Variants in LAMA4 observed in about 807,000 individuals in gnomAD.
LAMA4 encodes the protein laminin subunit alpha-4.
Under a neutral mutation model 207.1 loss-of-function variants are expected in LAMA4, and 127 were observed. That is an observed-to-expected ratio of 0.61 (90% CI 0.53 to 0.71). The LOEUF is 0.71. Ranked by LOEUF, LAMA4 falls within the 30% of genes least tolerant of loss-of-function variation. The pLI, the probability that LAMA4 is intolerant of heterozygous loss-of-function variation, is 0.00. For missense variants in LAMA4, 2,093 were observed against 2,246.5 expected (o/e 0.93, Z 1.38); for synonymous variants, 761 against 816.0 (o/e 0.93, Z 1.15).
intron 5 of LAMA4, among the ~76,000 whole-genome samples, chr6:112,197,017 C>G (rs1249716462): frequency 6.6e-6 from 1 of 152,104 alleles, no homozygotes; most frequent in Non-Finnish European, 1.5e-5. Flanking sequence ...ATTTCTTCCT[C>G]TGTAAATAAG....
chr6:112,175,526 C>T (rs375674125), intron 10 of LAMA4, 46 bp from the exon 11 acceptor site: 41 of 1,602,536 alleles, frequency 2.6e-5, no homozygotes, highest in Admixed American at 6.7e-5. Flanking sequence ...GAGAGATGAC[C>T]AGGCACTAGA....
intron 37 of LAMA4, among the ~76,000 whole-genome samples, 183 bp downstream of exon 37, chr6:112,114,480 T>C (rs991496524): frequency 5.3e-5 from 8 of 152,156 alleles, no homozygotes; most frequent in Admixed American, 5.2e-4. Context: ...TTTTGCAGCG[T>C]TCATATTTTG....
chr6:112,169,282 T>C (rs1554341068), intron 12 of LAMA4, among the ~76,000 whole-genome samples: 1 of 152,044 alleles, frequency 6.6e-6, no homozygotes, highest in East Asian at 1.9e-4. Context: ...AGGGGCTGAC[T>C]TAGACCCTGG....
intron 2 of LAMA4, among the ~76,000 whole-genome samples, chr6:112,242,338 G>T (rs1253044252): frequency 6.6e-6 from 1 of 152,128 alleles, no homozygotes; most frequent in Non-Finnish European, 1.5e-5. Context: ...TTTTCAGGTA[G>T]TATGGGTGAG....
At chr6:112,253,853 A>T (rs1554190389) in intron 2 of LAMA4, 103 bp downstream of exon 2, 23 of 1,614,250 alleles carry the variant, frequency 1.4e-5, no homozygotes, top group Non-Finnish European at 1.9e-5. Flanking sequence ...CTCTCAAGGC[A>T]CTGGGGAGAG....
chr6:112,175,795 A>G (rs1306997359), intron 10 of LAMA4, among the ~76,000 whole-genome samples: 1 of 152,226 alleles, frequency 6.6e-6, no homozygotes, highest in Non-Finnish European at 1.5e-5. Flanking sequence ...TGATTTGAGA[A>G]TGCTAATATT....
Position 112,119,184 on chromosome 6 carries a change from G to C in LAMA4, c.4793C>G (p.Ala1598Gly), listed in dbSNP as rs782229069. The change falls in exon 34 of 39, where the codon GCT (alanine) becomes GGT (glycine). Residue 1598 changes from alanine to glycine, a missense_variant. Coordinates refer to ENST00000230538, the MANE Select transcript of LAMA4 (RefSeq NM_001105206.3). ...AACATTTTTCACAGCCTTTCCAGGAGCCACACCTCCCAAATAAATGGGACC... is the reference window on the plus strand; with the variant it reads ...AACATTTTTCACAGCCTTTCCAGGACCCACACCTCCCAAATAAATGGGACC... The part of the protein sequence containing the change: ...IKGPIYLGGV[A>G]PGKAVKNVQI... 1 of 1,613,980 alleles carries C rather than the reference G, an allele frequency of 6.2e-7. No homozygotes were observed. Among genetic ancestry groups the C allele is most frequent in the Admixed American group, 1.7e-5 (1 of 59,998 alleles).
chr6:112,251,721 A>G (rs1416740855), intron 2 of LAMA4: 3 of 152,282 alleles, frequency 2.0e-5, no homozygotes, highest in African/African-American at 7.2e-5. Flanking sequence ...GGGCGTTGGG[A>G]TCGCCATGGG....
rs1172814159 is a variant in LAMA4, at chr6:112,154,735, G to A, written c.2056+116C>T. 5 of 758,850 alleles carry A rather than the reference G, an allele frequency of 6.6e-6. No homozygotes were observed. In the African/African-American group the frequency reaches 8.6e-5, roughly 13 times the overall value. The allele number at this position is 758,850 out of a possible 1,614,324, so 47.0% of individuals were successfully genotyped here. On this transcript the variant is annotated intron_variant, in intron 16 of 38. Coordinates refer to ENST00000230538, the MANE Select transcript of LAMA4 (RefSeq NM_001105206.3). The stretch of plus-strand genomic sequence containing the variant: ...GACTCTGAGCAGGAACTACTGATAT[G>A]TTATGTAGTTATAATACTATTCTTT...
At chr6:112,115,021 T>C (rs1207862625) in intron 36 of LAMA4, among the ~76,000 whole-genome samples, 9 of 152,288 alleles carry the variant, frequency 5.9e-5, no homozygotes, top group Non-Finnish European at 1.3e-4. Flanking sequence ...CTTTAATTTC[T>C]AAAGATTGAG....
intron 12 of LAMA4, among the ~76,000 whole-genome samples, chr6:112,168,491 G>T (rs1554340798): frequency 6.6e-6 from 1 of 151,672 alleles, no homozygotes; most frequent in African/African-American, 2.4e-5. Flanking sequence ...TATTACAGGT[G>T]CCCACCACCA....
chr6:112,155,003 C>T lies in LAMA4; in HGVS notation c.1960-56G>A, dbSNP rs1236963301. Reference sequence around the variant, plus strand: ...ATGACAGCAGAAGAAATCAGCTATTCATAGTTGAAGGATTTAAATGACACA... The same window carrying T: ...ATGACAGCAGAAGAAATCAGCTATTTATAGTTGAAGGATTTAAATGACACA... On this transcript the variant is annotated intron_variant, in intron 15 of 38. Transcript: ENST00000230538. The T allele has an allele frequency of 2.6e-6, 3 of 1,159,098 alleles. No individual in the cohort carries two copies. The African/African-American group carries it at 4.5e-5, about 18-fold the overall frequency. The allele number at this position is 1,159,098 out of a possible 1,614,324, so 71.8% of individuals were successfully genotyped here. A position where few individuals can be genotyped will look rare whatever the true frequency, so the allele number is the denominator to read the frequency against.
intron 2 of LAMA4, among the ~76,000 whole-genome samples, chr6:112,223,499 T>C (rs1785035225): frequency 6.6e-6 from 1 of 152,222 alleles, no homozygotes; most frequent in Admixed American, 6.5e-5. Flanking sequence ...AGTTTGATCA[T>C]TACCATTTAA....
At chr6:112,219,682 A>G (rs1554359878) in intron 2 of LAMA4, 3 of 152,220 alleles carry the variant, frequency 2.0e-5, no homozygotes, top group Non-Finnish European at 4.4e-5. Context: ...GCTGCCCCTC[A>G]TAAATAAATA....
intron 3 of LAMA4, 127 bp from the exon 4 acceptor site, chr6:112,207,272 G>A (rs1327849670): frequency 2.2e-5 from 22 of 1,015,164 alleles, no homozygotes; most frequent in African/African-American, 1.6e-4. Flanking sequence ...GACTGTATGC[G>A]GCAGTACAGA....
intron 18 of LAMA4, among the ~76,000 whole-genome samples, chr6:112,145,334 G>A (rs549117008): frequency 1.3e-5 from 2 of 152,262 alleles, no homozygotes; most frequent in Non-Finnish European, 2.9e-5. Flanking sequence ...CAGAGGGAGA[G>A]CCAGGGCTCA....
chr6:112,233,250 T>C (rs1554364926), intron 2 of LAMA4, among the ~76,000 whole-genome samples: 1 of 152,212 alleles, frequency 6.6e-6, no homozygotes, highest in Non-Finnish European at 1.5e-5. Flanking sequence ...AGGCACTGTT[T>C]TGGATTTCAG....
At chr6:112,253,728 C>T in intron 2 of LAMA4, 1 of 1,611,782 alleles carries the variant, frequency 6.2e-7, no homozygotes, top group Middle Eastern at 1.7e-4. Flanking sequence ...TGCACTCTCA[C>T]CCCTTTGAGC....
At chr6:112,134,367 G>T in intron 26 of LAMA4, 100 bp downstream of exon 26, 1 of 1,191,622 alleles carries the variant, frequency 8.4e-7, no homozygotes, top group Non-Finnish European at 1.2e-6. Context: ...GTGTGTAAAA[G>T]TAGCAAGTAA....
Sources: gnomAD v4.1 joint callset for allele counts (sites outside exome capture counted in the v4.1 genomes callset) on GRCh38, gnomAD v4.1.1 for gene constraint, MANE v1.5 for transcripts, NCBI Gene and HGNC (gene_info 2026-07-23, HGNC 2026-07-21) for gene names.